PHACTR3: variants seen among roughly 807,000 people sequenced by gnomAD.
PHACTR3 encodes protein phosphatase 1, regulatory subunit 123.
PHACTR3 carries 16 observed loss-of-function variants against 66.8 expected under a neutral mutation model. That is an observed-to-expected ratio of 0.24 (90% CI 0.16 to 0.36). The LOEUF (loss-of-function observed/expected upper bound fraction) is 0.36. Ranked by LOEUF, PHACTR3 falls within the 10% of genes least tolerant of loss-of-function variation. PHACTR3 has a pLI of 1.00. For synonymous variants in PHACTR3, 323 were observed against 292.1 expected (o/e 1.11, Z -1.08); for missense variants, 647 against 719.9 (o/e 0.90, Z 1.16).
At chr20:59,686,734 GTGGTGATGA>G (rs2036888443) in intron 1 of PHACTR3, among the ~76,000 whole-genome samples, 2 of 137,860 alleles carry the variant, frequency 1.5e-5, no homozygotes, top group East Asian at 2.4e-4. Flanking sequence ...TATGATGATG[GTGGTGATGA>G]TGGTGATGAT....
chr20:59,582,641 AT>A (rs1192896815), intron 1 of PHACTR3, among the ~76,000 whole-genome samples: 1 of 152,234 alleles, frequency 6.6e-6, no homozygotes, highest in Non-Finnish European at 1.5e-5. Flanking sequence ...TGAAAATTAC[AT>A]TGTTCAATTT....
At chr20:59,661,771 C>T (rs1243831791) in intron 1 of PHACTR3, among the ~76,000 whole-genome samples, 2 of 152,002 alleles carry the variant, frequency 1.3e-5, no homozygotes, top group South Asian at 2.1e-4. Context: ...ACCTGCCTCT[C>T]GGTGGGAGTT....
intron 4 of PHACTR3, among the ~76,000 whole-genome samples, chr20:59,761,642 A>G (rs967554706): frequency 6.6e-6 from 1 of 152,192 alleles, no homozygotes; most frequent in Non-Finnish European, 1.5e-5. Flanking sequence ...AAAGACAAAA[A>G]TGTTTACTAT....
chr20:59,835,236 T>G, intron 8 of PHACTR3, among the ~76,000 whole-genome samples: 1 of 150,440 alleles, frequency 6.6e-6, no homozygotes, highest in East Asian at 2.0e-4. Flanking sequence ...AGGCTTTGCA[T>G]ACATTGTTTG....
upstream of PHACTR3, among the ~76,000 whole-genome samples, chr20:59,602,079 G>A (rs1050047226): frequency 5.3e-5 from 8 of 152,136 alleles, no homozygotes; most frequent in African/African-American, 1.7e-4. Flanking sequence ...TTGTCCTTAT[G>A]GTAACATTAA....
intron 1 of PHACTR3, among the ~76,000 whole-genome samples, chr20:59,733,478 G>C (rs1442768522): frequency 6.6e-6 from 1 of 152,070 alleles, no homozygotes; most frequent in Non-Finnish European, 1.5e-5. Context: ...TTCCGTGTGA[G>C]GTTATTGTAT....
intron 1 of PHACTR3, among the ~76,000 whole-genome samples, chr20:59,624,011 C>T (rs1357356422): frequency 6.6e-6 from 1 of 152,106 alleles, no homozygotes; most frequent in African/African-American, 2.4e-5. Flanking sequence ...AATGGACCTG[C>T]TGGCAGGAGA....
chr20:59,676,657 C>T, intron 1 of PHACTR3: 9 of 984,362 alleles, frequency 9.1e-6, no homozygotes, highest in Non-Finnish European at 1.1e-5. Flanking sequence ...CTTTGCCAAT[C>T]TTGACCTTTC....
At chr20:59,844,643 G>A (rs2059119549) in intron 11 of PHACTR3, 1 of 152,152 alleles carries the variant, frequency 6.6e-6, no homozygotes, top group African/African-American at 2.4e-5. Flanking sequence ...ATGTCATGGA[G>A]GTAGACAGTA....
intron 1 of PHACTR3, among the ~76,000 whole-genome samples, chr20:59,708,408 G>T (rs950066619): frequency 6.6e-6 from 1 of 152,310 alleles, no homozygotes; most frequent in Non-Finnish European, 1.5e-5. Context: ...GGCAGGAAGG[G>T]GGAACATGGA....
At chr20:59,656,072 T>G (rs57641263) in intron 1 of PHACTR3, among the ~76,000 whole-genome samples, 5,374 of 151,998 alleles carry the variant, frequency 0.035, 312 homozygotes, top group East Asian at 0.29. Context: ...GCCTATGATC[T>G]GTCCTGGAGA....
intron 7 of PHACTR3, among the ~76,000 whole-genome samples, chr20:59,783,908 C>T (rs191533793): frequency 6.6e-6 from 1 of 152,364 alleles, no homozygotes. Flanking sequence ...CTCTTAAAAG[C>T]ATTGGTAGGA....
intron 1 of PHACTR3, among the ~76,000 whole-genome samples, chr20:59,710,198 G>T (rs2037860494): frequency 6.6e-6 from 1 of 152,132 alleles, no homozygotes; most frequent in Non-Finnish European, 1.5e-5. Context: ...ATCTTAACAA[G>T]CACAAAAAGC....
At chr20:59,809,579 A>G (rs6128701) in intron 8 of PHACTR3, among the ~76,000 whole-genome samples, 1 of 152,164 alleles carries the variant, frequency 6.6e-6, no homozygotes, top group Admixed American at 6.5e-5. Context: ...ATTTTGAGTT[A>G]CATGATTCTT....
At chr20:59,816,932 G>A (rs965271466) in intron 8 of PHACTR3, among the ~76,000 whole-genome samples, 1 of 152,172 alleles carries the variant, frequency 6.6e-6, no homozygotes, top group Non-Finnish European at 1.5e-5. Context: ...AGATGGATGA[G>A]GAGGTGAATG....
intron 1 of PHACTR3, among the ~76,000 whole-genome samples, chr20:59,673,773 C>G (rs2036276889): frequency 6.6e-6 from 1 of 151,994 alleles, no homozygotes; most frequent in Non-Finnish European, 1.5e-5. Context: ...AGGTCAGAGC[C>G]AGGCCTGGGG....
intron 7 of PHACTR3, among the ~76,000 whole-genome samples, chr20:59,782,158 T>C (rs568728595): frequency 6.6e-6 from 1 of 152,300 alleles, no homozygotes; most frequent in South Asian, 2.1e-4. Flanking sequence ...GGTGTATTAG[T>C]CCGTTTTCAC....
rs752589005 is a variant in PHACTR3 at position 59,774,419 on chromosome 20, T to A, written c.1103T>A (p.Ile368Lys). The A allele has an allele frequency of 3.7e-6, 6 of 1,614,080 alleles. No individual in the cohort carries two copies. The Admixed American group carries it at 1.0e-4, about 27-fold the overall frequency. The stretch of plus-strand genomic sequence containing the variant: ...GAGGAGAACAAGGAGAACCTGATCA[T>A]AAATTCTGAACTCAAAGACGACTTG... ...ESEENKENLI[I>K]NSELKDDLLL... Residue 368 changes from isoleucine (I) to lysine (K), a missense_variant, in exon 7 of 13, where the codon ATA becomes AAA. Ile to Lys is a moderately radical substitution (Grantham distance 102). Transcript: ENST00000371015.
chr20:59,647,773 G>A (rs2035333367), intron 1 of PHACTR3, among the ~76,000 whole-genome samples: 1 of 152,096 alleles, frequency 6.6e-6, no homozygotes, highest in Non-Finnish European at 1.5e-5. Context: ...TCAGAATTAA[G>A]CTCCCTGGAT....
Sources: allele counts gnomAD v4.1 joint callset (sites outside exome capture counted in the v4.1 genomes callset), GRCh38; gene constraint gnomAD v4.1.1; transcripts MANE v1.5; gene names NCBI Gene and HGNC (gene_info 2026-07-23, HGNC 2026-07-21).